Variants in CERS3 observed in about 807,000 individuals in gnomAD.
CERS3 encodes ceramide synthase 3, also known as LAG1 homolog, ceramide synthase 3.
A neutral mutation model predicts 50.3 loss-of-function variants in CERS3; 33 were observed. The observed-to-expected ratio is 0.66, with a 90% CI of 0.50 to 0.88. The LOEUF (loss-of-function observed/expected upper bound fraction) is 0.88, where lower values mean the gene tolerates loss of function less well. CERS3 is among the 40% of genes least tolerant of loss of function. The probability of loss-of-function intolerance (pLI) is 0.00; values close to 1 mark genes in which losing one functional copy is unlikely to be tolerated. For synonymous variants in CERS3, 176 were observed against 155.2 expected (o/e 1.13, Z -0.99); for missense variants, 470 against 460.3 (o/e 1.02, Z -0.19).
At chr15:100,532,605 G>GAA (rs200450402), upstream of CERS3, among the ~76,000 whole-genome samples, 196 of 143,816 alleles carry the variant, frequency 1.4e-3, 1 homozygote, top group African/African-American at 4.8e-3. Flanking sequence ...GTCTCTACAA[G>GAA]AAAAAAAAAA....
At chr15:100,441,024 C>T (rs2033657247) in intron 11 of CERS3, among the ~76,000 whole-genome samples, 2 of 152,184 alleles carry the variant, frequency 1.3e-5, no homozygotes, top group African/African-American at 2.4e-5. Context: ...AGGTGTCAGA[C>T]CACGCAGGGA....
At chr15:100,429,973 A>G (rs1010098159) in intron 11 of CERS3, among the ~76,000 whole-genome samples, 1 of 151,832 alleles carries the variant, frequency 6.6e-6, no homozygotes, top group Admixed American at 6.6e-5. Context: ...ATGCTTATAC[A>G]TAATTCACTT....
intron 1 of CERS3, among the ~76,000 whole-genome samples, chr15:100,524,368 G>C (rs975783855): frequency 8.5e-5 from 13 of 152,126 alleles, no homozygotes; most frequent in Non-Finnish European, 4.4e-5. Context: ...CAACCACTTA[G>C]GAAAATTCAA....
At chr15:100,453,374 A>G (rs1474153512) in intron 11 of CERS3, among the ~76,000 whole-genome samples, 5 of 152,246 alleles carry the variant, frequency 3.3e-5, no homozygotes, top group African/African-American at 9.6e-5. Context: ...GTGATACATT[A>G]CATCGACAGA....
chr15:100,401,637 C>A lies in CERS3; in HGVS notation c.*1076G>T, dbSNP rs751052435. ...GTAGCATCCTCTGTTCCCAAGATCT[C>A]CCCTGGGTCTGGCAGTGTACATGCG... On this transcript the variant is annotated 3_prime_UTR_variant, in exon 12 of 12. Coordinates refer to ENST00000679737, the MANE Select transcript of CERS3 (RefSeq NM_001378789.1). 6.6e-6 allele frequency: 1 copy of A among 152,406 alleles called. No homozygotes were observed. Among genetic ancestry groups the A allele is most frequent in the African/African-American group, 2.4e-5 (1 of 41,578 alleles). The allele number at this position is 152,406 out of a possible 1,614,324, so 9.4% of individuals were successfully genotyped here. A position where few individuals can be genotyped will look rare whatever the true frequency, so the allele number is the denominator to read the frequency against.
chr15:100,419,209 T>C (rs2032207319), intron 11 of CERS3, among the ~76,000 whole-genome samples: 1 of 133,610 alleles, frequency 7.5e-6, no homozygotes, highest in African/African-American at 2.8e-5. Context: ...GAGACACACA[T>C]AGGCTCAAAA....
At chr15:100,472,835 CT>C (rs1192590050) in intron 9 of CERS3, 88 bp downstream of exon 9, 29 of 1,506,632 alleles carry the variant, frequency 1.9e-5, no homozygotes, top group Non-Finnish European at 2.6e-5. Context: ...ACACAGAGCT[CT>C]GCTAAATTGC....
intron 10 of CERS3, among the ~76,000 whole-genome samples, chr15:100,456,438 C>T (rs2034374688): frequency 6.6e-6 from 1 of 152,154 alleles, no homozygotes; most frequent in Non-Finnish European, 1.5e-5. Context: ...TGCCTTAAAA[C>T]ACAATCTCAT....
At chr15:100,526,503 T>TGTGTGTGTGTGTGTGTGC (rs2036797888) in intron 1 of CERS3, among the ~76,000 whole-genome samples, 1 of 152,014 alleles carries the variant, frequency 6.6e-6, no homozygotes, top group South Asian at 2.1e-4. Context: ...TGTGTGTGTG[T>TGTGTGTGTGTGTGTGTGC]GTGTGTGTGT....
chr15:100,525,581 C>A (rs2142397101), intron 1 of CERS3, among the ~76,000 whole-genome samples: 1 of 152,290 alleles, frequency 6.6e-6, no homozygotes, highest in South Asian at 2.1e-4. Context: ...CATCTGTCCA[C>A]CATCAACAGA....
intron 2 of CERS3, among the ~76,000 whole-genome samples, chr15:100,507,128 G>A (rs1047053630): frequency 3.3e-5 from 5 of 151,874 alleles, no homozygotes; most frequent in Admixed American, 1.3e-4. Flanking sequence ...CACGAACCCC[G>A]AAAAATAAAT....
intron 1 of CERS3, among the ~76,000 whole-genome samples, chr15:100,525,983 A>G (rs1466786456): frequency 6.6e-6 from 1 of 152,156 alleles, no homozygotes; most frequent in Non-Finnish European, 1.5e-5. Flanking sequence ...AGATCGTTGT[A>G]TTGTGTGTTG....
At chr15:100,428,111 C>T (rs1395567326) in intron 11 of CERS3, among the ~76,000 whole-genome samples, 1 of 152,184 alleles carries the variant, frequency 6.6e-6, no homozygotes, top group African/African-American at 2.4e-5. Context: ...TTACAACTGA[C>T]AAATTTGCTA....
intron 2 of CERS3, chr15:100,503,975 A>G (rs1567668308): frequency 3.0e-6 from 1 of 329,400 alleles, no homozygotes; most frequent in Admixed American, 4.0e-5. Context: ...CCCGAGGGTA[A>G]TGGGAAGACT....
chr15:100,543,392 T>C (rs2142445633), intron 1 of CERS3, among the ~76,000 whole-genome samples: 1 of 152,312 alleles, frequency 6.6e-6, no homozygotes, highest in East Asian at 1.9e-4. Context: ...TCAGGTGATT[T>C]AAAAACATTT....
chr15:100,468,574 C>T (rs2034860632), intron 10 of CERS3, among the ~76,000 whole-genome samples: 1 of 152,176 alleles, frequency 6.6e-6, no homozygotes, highest in Non-Finnish European at 1.5e-5. Context: ...TGCATCTAGG[C>T]TCTTCAACAG....
At chr15:100,437,550 T>C (rs2033476361) in intron 11 of CERS3, among the ~76,000 whole-genome samples, 1 of 152,206 alleles carries the variant, frequency 6.6e-6, no homozygotes, top group South Asian at 2.1e-4. Flanking sequence ...TGCAGCACTG[T>C]CTGCCTGAGC....
chr15:100,517,388 G>T (rs189664786), intron 2 of CERS3, among the ~76,000 whole-genome samples: 11 of 152,276 alleles, frequency 7.2e-5, no homozygotes, highest in African/African-American at 2.2e-4. Flanking sequence ...CAGGGTTTAG[G>T]TCACTCTGAC....
At position 100,450,293 on chromosome 15, in the gene CERS3, C is replaced by T. The variant is rs115197132; in HGVS notation, c.999+5600G>A. ...AATTAGCTGGGCATGTGGCATGCAC[C>T]GGTAGTCCCAGCTACTCAGGAGGTT... On this transcript the variant is annotated intron_variant, in intron 11 of 11. Coordinates refer to ENST00000679737, the MANE Select transcript of CERS3 (RefSeq NM_001378789.1). 5.5e-3 allele frequency among the ~76,000 whole-genome samples: 835 copies of T among 151,602 alleles called. 10 individuals are homozygous for T. The highest frequency in any genetic ancestry group is 0.019 in the African/African-American group (780 of 41,306).
Sources: gnomAD v4.1 joint callset for allele counts (sites outside exome capture counted in the v4.1 genomes callset) on GRCh38, gnomAD v4.1.1 for gene constraint, MANE v1.5 for transcripts, NCBI Gene and HGNC (gene_info 2026-07-23, HGNC 2026-07-21) for gene names.